FHIT: variants seen among roughly 807,000 people sequenced by gnomAD.
FHIT encodes the protein fragile histidine triad diadenosine triphosphatase.
Under a neutral mutation model 17.9 loss-of-function variants are expected in FHIT, and 19 were observed. The observed-to-expected ratio is 1.06, with a 90% CI of 0.74 to 1.56. FHIT has a LOEUF of 1.56. FHIT is among the 40% of genes most tolerant of loss of function. FHIT has a pLI of 0.00. For synonymous variants in FHIT, 81 were observed against 69.7 expected, an observed-to-expected ratio of 1.16 and a Z score of -0.81; for missense variants, 248 against 189.2, an observed-to-expected ratio of 1.31 and a Z score of -1.82.
chr3:60,584,620 T>C (rs1433883597), intron 4 of FHIT, among the ~76,000 whole-genome samples: 2 of 152,010 alleles, frequency 1.3e-5, no homozygotes, highest in African/African-American at 4.8e-5. Flanking sequence ...GGATCAGAAA[T>C]TTATCAGAAT....
intron 8 of FHIT, among the ~76,000 whole-genome samples, chr3:59,797,469 G>A (rs1160907660): frequency 1.3e-5 from 2 of 152,294 alleles, no homozygotes; most frequent in East Asian, 3.9e-4. Flanking sequence ...TTACAGGTTT[G>A]AGCCACTGTG....
At chr3:61,113,552 A>G (rs1246965931) in intron 2 of FHIT, among the ~76,000 whole-genome samples, 1 of 151,954 alleles carries the variant, frequency 6.6e-6, no homozygotes, top group African/African-American at 2.4e-5. Flanking sequence ...TTTGTTCCTA[A>G]CTCTTAGTTA....
intron 5 of FHIT, among the ~76,000 whole-genome samples, chr3:60,254,148 T>C (rs181030792): frequency 3.0e-4 from 46 of 152,172 alleles, no homozygotes; most frequent in Admixed American, 8.5e-4. Flanking sequence ...GCACAATGGT[T>C]TGGGTATTCA....
In FHIT at chr3:59,773,465, T is replaced by C. The variant is rs1038309548; in HGVS notation, c.349-21144A>G. On this transcript the variant is annotated intron_variant, in intron 8 of 9. Coordinates refer to ENST00000492590, the MANE Select transcript of FHIT (RefSeq NM_002012.4). Reference sequence around the variant, plus strand: ...GAGTCCTCATGAGCTCAATGTTAAGTGGTTGCATGCTTTGACTCACTTAAT... The same window carrying C: ...GAGTCCTCATGAGCTCAATGTTAAGCGGTTGCATGCTTTGACTCACTTAAT... Among the ~76,000 whole-genome samples the C allele has an allele frequency of 3.3e-5, 5 of 152,210 alleles. 1 individual carries two copies. The highest frequency in any genetic ancestry group is 2.0e-4 in the Admixed American group (3 of 15,282).
intron 4 of FHIT, among the ~76,000 whole-genome samples, chr3:60,683,888 A>T (rs537131164): frequency 2.6e-5 from 4 of 152,304 alleles, no homozygotes; most frequent in African/African-American, 4.8e-5. Flanking sequence ...AATTAGTAAC[A>T]TCAAACAAGG....
At chr3:60,382,296 C>T (rs1377527597) in intron 5 of FHIT, among the ~76,000 whole-genome samples, 3 of 152,222 alleles carry the variant, frequency 2.0e-5, no homozygotes, top group Admixed American at 1.3e-4. Context: ...GCATTAGCAG[C>T]AGTATAAAAC....
chr3:60,524,077 A>G (rs1236069352), intron 5 of FHIT, among the ~76,000 whole-genome samples: 2 of 152,150 alleles, frequency 1.3e-5, no homozygotes, highest in Non-Finnish European at 2.9e-5. Flanking sequence ...ATATTCATTT[A>G]ACAAATATTT....
intron 2 of FHIT, among the ~76,000 whole-genome samples, chr3:61,157,727 T>C (rs2037572484): frequency 6.6e-6 from 1 of 152,192 alleles, no homozygotes; most frequent in Non-Finnish European, 1.5e-5. Flanking sequence ...AGAGCCATGT[T>C]TTACTTTCTC....
intron 3 of FHIT, among the ~76,000 whole-genome samples, chr3:60,886,530 A>G (rs1213176368): frequency 6.6e-6 from 1 of 152,218 alleles, no homozygotes; most frequent in Non-Finnish European, 1.5e-5. Context: ...GAAATAATCC[A>G]GAATCTGTGG....
At chr3:60,254,221 G>A (rs1705869313) in intron 5 of FHIT, among the ~76,000 whole-genome samples, 2 of 152,062 alleles carry the variant, frequency 1.3e-5, no homozygotes, top group Admixed American at 1.3e-4. Flanking sequence ...CCTTGTGTGA[G>A]GTATAATCAG....
At position 61,232,579 on chromosome 3, in the gene FHIT, G is replaced by A. The variant is rs535853177; in HGVS notation, c.-213+18722C>T. ...TAATCAAAGACAGGGGAGGACCAGG[G>A]AGGTCTTCAAGAGGAGAAACATACC... On this transcript the variant is annotated intron_variant, in intron 1 of 9. Transcript: ENST00000492590. Among the ~76,000 whole-genome samples the A allele has an allele frequency of 5.9e-5, 9 of 152,252 alleles. No homozygotes were observed. The East Asian group carries it at 1.5e-3, about 26-fold the overall frequency.
At chr3:60,096,427 GA>G (rs1703952101) in intron 5 of FHIT, among the ~76,000 whole-genome samples, 2 of 152,098 alleles carry the variant, frequency 1.3e-5, no homozygotes, top group African/African-American at 4.8e-5. Flanking sequence ...TATTCAGAAA[GA>G]ATCAACCAAG....
intron 2 of FHIT, among the ~76,000 whole-genome samples, chr3:61,110,310 C>A (rs957465352): frequency 1.3e-5 from 2 of 152,120 alleles, no homozygotes; most frequent in Non-Finnish European, 2.9e-5. Context: ...CTGCCTTTGC[C>A]TGGGAGACTT....
At chr3:60,738,704 A>G (rs1233140688) in intron 4 of FHIT, among the ~76,000 whole-genome samples, 1 of 152,202 alleles carries the variant, frequency 6.6e-6, no homozygotes, top group Non-Finnish European at 1.5e-5. Context: ...GATAATAAAC[A>G]CATGTGAAAT....
rs539996654 is a variant in FHIT at position 59,958,358 on chromosome 3, G to A, written c.280-35944C>T. On this transcript the variant is annotated intron_variant, in intron 7 of 9. Transcript: ENST00000492590. ...TACACATGATTCCTATAAAAGGACT[G>A]TATAAAAAAAATCACCAAGTTGATT... is the stretch of plus-strand genomic sequence containing the variant. Among the ~76,000 whole-genome samples the A allele has an allele frequency of 3.9e-5, 6 of 152,146 alleles. No individual in the cohort carries two copies. In the South Asian group the frequency reaches 1.2e-3, roughly 32 times the overall value.
chr3:61,070,378 G>GTAGA (rs2034763865), intron 2 of FHIT, among the ~76,000 whole-genome samples: 1 of 152,200 alleles, frequency 6.6e-6, no homozygotes, highest in Non-Finnish European at 1.5e-5. Flanking sequence ...CAGAGAAGAG[G>GTAGA]TAGATGTTCA....
At chr3:60,511,152 A>G (rs1046468991) in intron 5 of FHIT, among the ~76,000 whole-genome samples, 2 of 152,212 alleles carry the variant, frequency 1.3e-5, no homozygotes, top group Non-Finnish European at 2.9e-5. Context: ...GCATAAGGTT[A>G]TCCATCAGTG....
intron 5 of FHIT, among the ~76,000 whole-genome samples, chr3:60,101,963 C>T (rs1487021541): frequency 2.0e-5 from 3 of 152,194 alleles, no homozygotes; most frequent in Non-Finnish European, 4.4e-5. Flanking sequence ...TCTAATTCTG[C>T]TCAAGGATCA....
In FHIT at chr3:60,679,287, C is replaced by T. The variant is rs141584821; in HGVS notation, c.-17-142308G>A. On this transcript the variant is annotated intron_variant, in intron 4 of 9. Transcript: ENST00000492590. ...CAACTTCAATCCTTAAAAAGTCCTACCCATTTTAGAAACAGGTCAATGAAG... is the reference window on the plus strand; with the variant it reads ...CAACTTCAATCCTTAAAAAGTCCTATCCATTTTAGAAACAGGTCAATGAAG... Among the ~76,000 whole-genome samples, 629 of 152,238 alleles carry T rather than the reference C, an allele frequency of 4.1e-3. 1 individual carries two copies. Among genetic ancestry groups the T allele is most frequent in the African/African-American group, 0.014 (587 of 41,550 alleles).
Sources: gnomAD v4.1 joint callset for allele counts (sites outside exome capture counted in the v4.1 genomes callset) on GRCh38, gnomAD v4.1.1 for gene constraint, MANE v1.5 for transcripts, NCBI Gene and HGNC (gene_info 2026-07-23, HGNC 2026-07-21) for gene names.